Variants in RAD52 observed in about 807,000 individuals in gnomAD.
The protein encoded by RAD52 is RAD52 DNA repair protein, also known as DNA repair protein RAD52 homolog.
A neutral mutation model predicts 55.5 loss-of-function variants in RAD52; 47 were observed. That is an observed-to-expected ratio of 0.85 (90% CI 0.67 to 1.08). RAD52 has a LOEUF of 1.08. RAD52 is among the 50% of genes least tolerant of loss of function. The pLI, the probability that RAD52 is intolerant of heterozygous loss-of-function variation, is 0.00. For synonymous variants in RAD52, 184 were observed against 198.9 expected, an observed-to-expected ratio of 0.92 and a Z score of 0.63; for missense variants, 468 against 522.8, an observed-to-expected ratio of 0.90 and a Z score of 1.02.
chr12:988,200 C>G (rs1959111968), intron 1 of RAD52, among the ~76,000 whole-genome samples: 1 of 152,170 alleles, frequency 6.6e-6, no homozygotes, highest in African/African-American at 2.4e-5. Flanking sequence ...CTTCTATTTT[C>G]TTTAAAAGTT....
intron 1 of RAD52, chr12:975,534 A>G (rs1232375343): frequency 6.6e-6 from 1 of 152,222 alleles, no homozygotes; most frequent in African/African-American, 2.4e-5. Flanking sequence ...ATCCAAAACT[A>G]TTCCTTCACC....
intron 1 of RAD52, among the ~76,000 whole-genome samples, chr12:939,801 G>A (rs1183394876): frequency 6.6e-6 from 1 of 152,210 alleles, no homozygotes; most frequent in Non-Finnish European, 1.5e-5. Flanking sequence ...GGCGCACCGG[G>A]CGCGGTGGCT....
chr12:963,391 C>T (rs963388929), intron 1 of RAD52, among the ~76,000 whole-genome samples: 31 of 151,974 alleles, frequency 2.0e-4, no homozygotes, highest in Non-Finnish European at 4.4e-4. Flanking sequence ...AACAAGTTCC[C>T]GGCTTGGAGC....
At chr12:924,631 TGGCAA>T (rs1406037107) in intron 7 of RAD52, among the ~76,000 whole-genome samples, 2 of 152,124 alleles carry the variant, frequency 1.3e-5, no homozygotes, top group Non-Finnish European at 2.9e-5. Flanking sequence ...AAGCCACTCA[TGGCAA>T]GGCAGTGTGA....
intron 1 of RAD52, among the ~76,000 whole-genome samples, chr12:977,660 C>T (rs144285365): frequency 1.1e-3 from 166 of 152,280 alleles, no homozygotes; most frequent in African/African-American, 3.6e-3. Context: ...CAGTAGGTAA[C>T]GGGGAAGTGA....
intron 6 of RAD52, 96 bp from the exon 7 acceptor site, chr12:925,621 AG>A: frequency 1.0e-6 from 1 of 972,794 alleles, no homozygotes; most frequent in Middle Eastern, 2.3e-4. Context: ...GTTGCTTCTC[AG>A]GAGCAGCAGA....
At chr12:939,169 A>G (rs754717210) in intron 1 of RAD52, among the ~76,000 whole-genome samples, 3 of 149,292 alleles carry the variant, frequency 2.0e-5, no homozygotes, top group Non-Finnish European at 3.0e-5. Flanking sequence ...TTAATTGTAA[A>G]TTTTTTTTTT....
At chr12:985,031 G>A (rs545064186) in intron 1 of RAD52, among the ~76,000 whole-genome samples, 8 of 151,322 alleles carry the variant, frequency 5.3e-5, no homozygotes, top group Admixed American at 2.6e-4. Flanking sequence ...GGATGGTCTC[G>A]ATCTCCTGAC....
intron 1 of RAD52, among the ~76,000 whole-genome samples, chr12:970,929 A>G (rs577014177): frequency 7.1e-6 from 1 of 141,554 alleles, no homozygotes; most frequent in East Asian, 2.0e-4. Context: ...AGAGAGAGAG[A>G]CAGGAAATAA....
At chr12:964,177 T>C (rs1414757805) in intron 1 of RAD52, among the ~76,000 whole-genome samples, 11 of 151,798 alleles carry the variant, frequency 7.2e-5, no homozygotes, top group Non-Finnish European at 1.6e-4. Flanking sequence ...CACTGAGGGG[T>C]TTTGAGCAGA....
intron 6 of RAD52, among the ~76,000 whole-genome samples, chr12:925,920 C>T (rs767242848): frequency 2.6e-5 from 4 of 152,122 alleles, no homozygotes; most frequent in African/African-American, 4.8e-5. Flanking sequence ...GGCTCAAGGG[C>T]ACAACCTCCC....
At chr12:934,897 G>A (rs575884205) in intron 1 of RAD52, among the ~76,000 whole-genome samples, 5 of 152,202 alleles carry the variant, frequency 3.3e-5, no homozygotes, top group African/African-American at 1.2e-4. Context: ...CGGATCACCT[G>A]AGGTCAGGAG....
chr12:922,037 A>G lies in RAD52; in HGVS notation c.543+3413T>C, dbSNP rs12308150. ...AGGAGAATTGTTTGAACCCAGAGGC[A>G]GAGGTTGCAGTGAACCAAGATTGTG... On this transcript the variant is annotated intron_variant, in intron 7 of 11. Coordinates refer to ENST00000358495, the MANE Select transcript of RAD52 (RefSeq NM_134424.4). Among the ~76,000 whole-genome samples, 1,129 of 151,924 alleles carry G rather than the reference A, an allele frequency of 7.4e-3. 12 individuals carry two copies. The highest frequency in any genetic ancestry group is 0.026 in the African/African-American group (1,072 of 41,426).
chr12:977,233 G>A (rs1318363840), intron 1 of RAD52: 5 of 152,134 alleles, frequency 3.3e-5, no homozygotes, highest in African/African-American at 1.2e-4. Context: ...TCTTCCTCTT[G>A]TCCCTCCCCC....
chr12:953,438 A>T (rs1410374189), upstream of RAD52, among the ~76,000 whole-genome samples: 1 of 152,210 alleles, frequency 6.6e-6, no homozygotes, highest in Non-Finnish European at 1.5e-5. Context: ...TGGAAGAGGC[A>T]AGGAAGTATC....
At position 985,137 on chromosome 12, in the gene RAD52, T is replaced by G. The variant is rs181355687; in HGVS notation, c.-19+4672A>C. Among the ~76,000 whole-genome samples the G allele has an allele frequency of 5.8e-4, 88 of 152,214 alleles. 2 individuals are homozygous for G. In the East Asian group the frequency reaches 0.014, roughly 24 times the overall value. On this transcript the variant is annotated intron_variant, in intron 1 of 11. Transcript: ENST00000430095. Reference sequence around the variant, plus strand: ...ACAAAAGTTTTATATTTTGATGAAGTCCAATTAATTTTATTTTTTTGGAGA... The same window carrying G: ...ACAAAAGTTTTATATTTTGATGAAGGCCAATTAATTTTATTTTTTTGGAGA...
At chr12:925,238 C>T (rs1447946820) in intron 7 of RAD52, among the ~76,000 whole-genome samples, 3 of 152,156 alleles carry the variant, frequency 2.0e-5, no homozygotes, top group Non-Finnish European at 2.9e-5. Context: ...GCGTGAGCCA[C>T]GGTCCCCGGC....
At chr12:915,477 A>G (rs964194577) in intron 9 of RAD52, among the ~76,000 whole-genome samples, 1 of 152,164 alleles carries the variant, frequency 6.6e-6, no homozygotes. Context: ...TGGGTCTGAG[A>G]CAAGCCCTTT....
At chr12:923,247 T>G (rs1220463127) in intron 7 of RAD52, among the ~76,000 whole-genome samples, 1 of 148,990 alleles carries the variant, frequency 6.7e-6, no homozygotes, top group Non-Finnish European at 1.5e-5. Context: ...CCAAAAAAAG[T>G]TAATTAGCTG....
Sources: allele counts gnomAD v4.1 joint callset (sites outside exome capture counted in the v4.1 genomes callset), GRCh38; gene constraint gnomAD v4.1.1; transcripts MANE v1.5; gene names NCBI Gene and HGNC (gene_info 2026-07-23, HGNC 2026-07-21).